Variants in KHNYN observed in about 807,000 individuals in gnomAD.
The protein encoded by KHNYN is protein KHNYN.
Under a neutral mutation model 62.7 loss-of-function variants are expected in KHNYN, and 42 were observed. That is an observed-to-expected ratio of 0.67 (90% CI 0.52 to 0.87). The LOEUF (loss-of-function observed/expected upper bound fraction) is 0.87. Among genes scored for constraint, KHNYN ranks in the 40% least tolerant of loss-of-function variants. The probability of loss-of-function intolerance (pLI) is 0.00; values close to 1 mark genes in which losing one functional copy is unlikely to be tolerated. For missense variants in KHNYN, 829 were observed against 874.1 expected, an observed-to-expected ratio of 0.95 and a Z score of 0.65; for synonymous variants, 347 against 345.6, an observed-to-expected ratio of 1.00 and a Z score of -0.04.
At chr14:24,429,065 C>A, upstream of KHNYN, 1 of 1,480,576 alleles carries the variant, frequency 6.8e-7, no homozygotes, top group Admixed American at 2.5e-5. Context: ...GGCTGAGGGG[C>A]TCTGCAACCC....
At chr14:24,429,095 G>GC, upstream of KHNYN, 1 of 1,460,628 alleles carries the variant, frequency 6.8e-7, no homozygotes, top group Non-Finnish European at 9.1e-7. Flanking sequence ...CCGGTCTTCT[G>GC]CCCCTCTTCT....
Position 24,440,267 on chromosome 14 carries a change from C to G in KHNYN, c.*2982C>G, listed in dbSNP as rs781330213. ...GAAGGCTCGGCGGCCCAGGGCAGCA[C>G]CCAAGGTCTGGGCAAACTCAGCATT... On this transcript the variant is annotated 3_prime_UTR_variant, in exon 8 of 8. Transcript: ENST00000553935. 2 of 1,613,950 alleles carry G rather than the reference C, an allele frequency of 1.2e-6. No homozygotes were observed. The highest frequency in any genetic ancestry group is 2.7e-5 in the African/African-American group (2 of 75,050).
Position 24,440,512 on chromosome 14 carries a change from A to C in KHNYN, c.*3227A>C, listed in dbSNP as rs867939833. 6.3e-7 allele frequency: 1 copy of C among 1,589,652 alleles called. No individual in the cohort carries two copies. The highest frequency in any genetic ancestry group is 1.7e-4 in the Middle Eastern group (1 of 6,036). ...CAACCCCTAGAGCAGGAAAGAGGGA[A>C]GGTACAGGGGTCCTCTCAGCCTTGA... On this transcript the variant is annotated 3_prime_UTR_variant, in exon 8 of 8. Transcript: ENST00000553935.
intron 5 of KHNYN, 56 bp from the exon 6 acceptor site, chr14:24,436,016 T>C: frequency 7.7e-7 from 1 of 1,301,732 alleles, no homozygotes; most frequent in Non-Finnish European, 1.1e-6. Flanking sequence ...CAGTGAACAT[T>C]GTACCCAGTA....
rs1326757358 is a variant in KHNYN at position 24,431,733 on chromosome 14, A to C, written c.472A>C (p.Thr158Pro). ...ACCATCTTCCGGAGCCTCTCAGTGT[A>C]CTGGAGTGCTGAGAGACTTCTCTGC... ...PGPSSGASQCTGVLRDFSALL... is the reference protein window; with the variant it reads ...PGPSSGASQCPGVLRDFSALL... Residue 158 changes from threonine (T) to proline (P), a missense_variant, in exon 3 of 8, where the codon ACT (threonine) becomes CCT (proline). Thr to Pro is a conservative substitution (Grantham distance 38). Around this residue, in one of 2 missense-constraint regions of KHNYN, gnomAD observed 559 missense variants for 527.0 expected, o/e 1.06. Transcript: ENST00000553935. 35 of 1,614,044 alleles carry C rather than the reference A, an allele frequency of 2.2e-5. No individual in the cohort carries two copies. Among genetic ancestry groups the C allele is most frequent in the Non-Finnish European group, 2.8e-5 (33 of 1,180,034 alleles).
At chr14:24,424,220 C>A in the KHNYN span, among the ~76,000 whole-genome samples, 10 of 152,108 alleles carry the variant, frequency 6.6e-5, no homozygotes, top group Admixed American at 6.5e-4. Flanking sequence ...ATTTAGATAT[C>A]TAAAATAAAA....
chr14:24,435,973 A>G, intron 5 of KHNYN, 99 bp from the exon 6 acceptor site: 1 of 866,478 alleles, frequency 1.2e-6, no homozygotes, highest in African/African-American at 1.6e-5. Context: ...CATAGTGGTG[A>G]AGTCTAGGCT....
Position 24,441,572 on chromosome 14 carries a change from T to C in KHNYN, c.*4287T>C. 1.0e-6 allele frequency: 1 copy of C among 988,842 alleles called. No individual in the cohort carries two copies. Among genetic ancestry groups the C allele is most frequent in the Non-Finnish European group, 1.5e-6 (1 of 683,188 alleles). 61.3% of individuals were successfully genotyped at this position (988,842 alleles called of 1,614,324 possible). Reference sequence around the variant, plus strand: ...GGATCAAGGGCCTAGGAAGTCATTTTGCCTGGAAAAGACCAGTGCTCTGGT... The same window carrying C: ...GGATCAAGGGCCTAGGAAGTCATTTCGCCTGGAAAAGACCAGTGCTCTGGT... On this transcript the variant is annotated 3_prime_UTR_variant, in exon 8 of 8. Coordinates refer to ENST00000553935, the MANE Select transcript of KHNYN (RefSeq NM_015299.3).
Position 24,438,637 on chromosome 14 carries a change from A to C in KHNYN, c.*1352A>C, listed in dbSNP as rs1283093545. 1 of 152,220 alleles carries C rather than the reference A, an allele frequency of 6.6e-6. No individual in the cohort carries two copies. The highest frequency in any genetic ancestry group is 2.4e-5 in the African/African-American group (1 of 41,438). 9.4% of individuals were successfully genotyped at this position (152,220 alleles called of 1,614,324 possible). The stretch of plus-strand genomic sequence containing the variant: ...GGGAATTTACTATCTCCAGGGTAGC[A>C]CATTCCCTGTGTAGACGGTATTAAT... On this transcript the variant is annotated 3_prime_UTR_variant, in exon 8 of 8. Transcript: ENST00000553935.
the KHNYN span, among the ~76,000 whole-genome samples, chr14:24,423,450 C>T: frequency 6.6e-6 from 1 of 151,952 alleles, no homozygotes; most frequent in Non-Finnish European, 1.5e-5. Context: ...CCGAGACAGG[C>T]AGGAGGAAGC....
rs1389614166 is a variant in KHNYN, at chr14:24,438,198, C to T, written c.*913C>T. Reference sequence around the variant, plus strand: ...CTCTCAGGGTTCCTATAAATGGCAGCTCTCCTGTTGTATTCAGGTGTTGTT... The same window carrying T: ...CTCTCAGGGTTCCTATAAATGGCAGTTCTCCTGTTGTATTCAGGTGTTGTT... On this transcript the variant is annotated 3_prime_UTR_variant, in exon 8 of 8. Coordinates refer to ENST00000553935, the MANE Select transcript of KHNYN (RefSeq NM_015299.3). The T allele has an allele frequency of 1.3e-5, 2 of 152,668 alleles. No homozygotes were observed. The highest frequency in any genetic ancestry group is 2.4e-5 in the African/African-American group (1 of 41,452). 9.5% of individuals were successfully genotyped at this position (152,668 alleles called of 1,614,324 possible). A position where few individuals can be genotyped will look rare whatever the true frequency, so the allele number is the denominator to read the frequency against.
intron 5 of KHNYN, chr14:24,434,269 C>T (rs908599790): frequency 1.6e-5 from 16 of 985,304 alleles, no homozygotes; most frequent in African/African-American, 1.7e-5. Context: ...CGCCCAGTAA[C>T]AGTGAATAAG....
the KHNYN span, among the ~76,000 whole-genome samples, chr14:24,423,900 A>G: frequency 3.9e-5 from 6 of 152,190 alleles, no homozygotes; most frequent in Non-Finnish European, 7.3e-5. Context: ...TGCTTTATTT[A>G]TTGTTTAATC....
At chr14:24,426,851 G>C (rs1176000446), upstream of KHNYN, 3 of 152,410 alleles carry the variant, frequency 2.0e-5, no homozygotes, top group Non-Finnish European at 4.4e-5. Flanking sequence ...AAGAGAGATA[G>C]TGGGGATATG....
In KHNYN at chr14:24,440,989, G is replaced by A. The variant is rs571296652; in HGVS notation, c.*3704G>A. On this transcript the variant is annotated 3_prime_UTR_variant, in exon 8 of 8. Transcript: ENST00000553935. Reference sequence around the variant, plus strand: ...TGGTCCTGCCTGGCTCTCTGTAGTGGAGGCTCCCCTTGGCCTCACCTTCTC... The same window carrying A: ...TGGTCCTGCCTGGCTCTCTGTAGTGAAGGCTCCCCTTGGCCTCACCTTCTC... 4 of 1,587,324 alleles carry A rather than the reference G, an allele frequency of 2.5e-6. No homozygotes were observed. In the Admixed American group the frequency reaches 5.1e-5, roughly 20 times the overall value.
At chr14:24,436,296 G>A in intron 6 of KHNYN, 92 bp from the exon 7 acceptor site, 1 of 1,419,890 alleles carries the variant, frequency 7.0e-7, no homozygotes, top group Non-Finnish European at 9.9e-7. Flanking sequence ...CTTGAAGGAT[G>A]GAGCCAGCAG....
chr14:24,429,130 T>A, upstream of KHNYN: 1 of 1,421,426 alleles, frequency 7.0e-7, no homozygotes, highest in Non-Finnish European at 9.3e-7. Context: ...CCCTGGATTC[T>A]CACCGCCGGC....
At chr14:24,424,685 A>G (rs2139363655), upstream of KHNYN, among the ~76,000 whole-genome samples, 1 of 152,348 alleles carries the variant, frequency 6.6e-6, no homozygotes, top group South Asian at 2.1e-4. Flanking sequence ...AAAGTGTGAG[A>G]AGGACTTGGC....
upstream of KHNYN, chr14:24,428,546 GA>G (rs1393348572): frequency 6.9e-6 from 8 of 1,156,276 alleles, no homozygotes. Context: ...AGATTCAAAA[GA>G]AATGGTGAGA....
Sources: allele counts gnomAD v4.1 joint callset (sites outside exome capture counted in the v4.1 genomes callset), GRCh38; gene constraint gnomAD v4.1.1; regional missense constraint gnomAD v4.1.1; transcripts MANE v1.5; gene names NCBI Gene and HGNC (gene_info 2026-07-23, HGNC 2026-07-21).